MRPL45: variants seen among roughly 807,000 people sequenced by gnomAD.
The protein encoded by MRPL45 is large ribosomal subunit protein mL45.
In MRPL45, 20 loss-of-function variants were observed where a neutral mutation model predicts 38.1. The observed-to-expected ratio is 0.53, with a 90% CI of 0.37 to 0.76. The LOEUF is 0.76. Ranked by LOEUF, MRPL45 falls within the 30% of genes least tolerant of loss-of-function variation. The pLI is 0.00. For missense variants in MRPL45, 337 were observed against 395.6 expected (o/e 0.85, Z 1.26); for synonymous variants, 105 against 128.8 (o/e 0.82, Z 1.25).
intron 3 of MRPL45, among the ~76,000 whole-genome samples, chr17:38,304,758 A>G (rs1156896897): frequency 6.6e-6 from 1 of 151,942 alleles, no homozygotes; most frequent in African/African-American, 2.4e-5. Flanking sequence ...TGGCCAGGCC[A>G]GTCTCGAACT....
chr17:38,322,836 TGAAA>T lies in MRPL45; in HGVS notation c.*244_*247del, dbSNP rs1408489771. ...TTTATGTCTAGCTTCTGAGTCTAGA[TGAAA>T]GACAGTATGTTTCAGAGAACATTGG... On this transcript the variant is annotated 3_prime_UTR_variant, in exon 8 of 8. Transcript: ENST00000613675. 1 of 502,022 alleles carries T rather than the reference TGAAA, an allele frequency of 2.0e-6. No homozygotes were observed. The highest frequency in any genetic ancestry group is 1.9e-5 in the African/African-American group (1 of 52,022). The allele number at this position is 502,022 out of a possible 1,614,324, so 31.1% of individuals were successfully genotyped here. A position where few individuals can be genotyped will look rare whatever the true frequency, so the allele number is the denominator to read the frequency against.
intron 4 of MRPL45, among the ~76,000 whole-genome samples, chr17:38,317,454 G>A (rs2037185323): frequency 6.6e-6 from 1 of 152,164 alleles, no homozygotes; most frequent in Non-Finnish European, 1.5e-5. Flanking sequence ...GAAAAGTCGT[G>A]TGTATCTGAA....
chr17:38,297,566 T>C (rs1042036159), intron 1 of MRPL45, among the ~76,000 whole-genome samples: 2 of 152,090 alleles, frequency 1.3e-5, no homozygotes, highest in African/African-American at 4.8e-5. Context: ...TCGATTCTTA[T>C]AAGTGAACTA....
intron 5 of MRPL45, 120 bp from the exon 6 acceptor site, chr17:38,320,498 G>A: frequency 9.9e-7 from 1 of 1,007,074 alleles, no homozygotes; most frequent in Non-Finnish European, 1.5e-6. Flanking sequence ...AAGAGAGCAT[G>A]TGGTGGGAAA....
chr17:38,302,685 T>C (rs1365134455), intron 3 of MRPL45, among the ~76,000 whole-genome samples: 2 of 151,824 alleles, frequency 1.3e-5, no homozygotes, highest in Admixed American at 6.6e-5. Flanking sequence ...ACTTGTTCTT[T>C]ATTCTGTTGA....
chr17:38,306,370 C>T (rs371262254), intron 3 of MRPL45, among the ~76,000 whole-genome samples, 163 bp from the exon 4 acceptor site: 81 of 149,436 alleles, frequency 5.4e-4, no homozygotes, highest in African/African-American at 1.8e-3. Flanking sequence ...GATCATGCCA[C>T]TGCACTCCAG....
intron 4 of MRPL45, among the ~76,000 whole-genome samples, chr17:38,314,033 A>G (rs1183269005): frequency 6.6e-6 from 1 of 152,066 alleles, no homozygotes; most frequent in East Asian, 1.9e-4. Context: ...TATATTTTGG[A>G]TATTAATCCT....
chr17:38,304,076 A>T (rs887384879), intron 3 of MRPL45, among the ~76,000 whole-genome samples: 16 of 152,176 alleles, frequency 1.1e-4, no homozygotes, highest in African/African-American at 3.6e-4. Context: ...GATAAATAAG[A>T]TCTTGCAAGT....
chr17:38,317,399 T>C (rs76816886), intron 4 of MRPL45, among the ~76,000 whole-genome samples: 2,598 of 152,194 alleles, frequency 0.017, 82 homozygotes, highest in African/African-American at 0.059. Context: ...GAGAGCAAGA[T>C]TTTTCAAAGG....
chr17:38,308,436 T>C (rs529828332), intron 4 of MRPL45, among the ~76,000 whole-genome samples: 1 of 149,478 alleles, frequency 6.7e-6, no homozygotes, highest in Admixed American at 6.7e-5. Context: ...CATTGTTTTT[T>C]TTTTTGTTTG....
intron 4 of MRPL45, among the ~76,000 whole-genome samples, chr17:38,312,489 A>C (rs2144224040): frequency 6.6e-6 from 1 of 152,230 alleles, no homozygotes; most frequent in South Asian, 2.1e-4. Flanking sequence ...GTTGGTGTAC[A>C]AGTATCTGTT....
chr17:38,313,381 T>A (rs1342977872), intron 4 of MRPL45, among the ~76,000 whole-genome samples: 844 of 23,216 alleles, frequency 0.036, 58 homozygotes, highest in Non-Finnish European at 0.053. Flanking sequence ...TATATATATA[T>A]ATACATATAT....
intron 3 of MRPL45, among the ~76,000 whole-genome samples, chr17:38,302,515 T>G (rs1172373529): frequency 2.7e-5 from 4 of 146,492 alleles, no homozygotes; most frequent in African/African-American, 7.5e-5. Context: ...AGTTTGTTTT[T>G]TTTTTTTTTT....
chr17:38,319,692 T>G (rs2037211208), intron 5 of MRPL45, among the ~76,000 whole-genome samples: 1 of 152,178 alleles, frequency 6.6e-6, no homozygotes, highest in Admixed American at 6.5e-5. Flanking sequence ...ACGCCTGCAC[T>G]ATCATGAGGG....
At position 38,317,786 on chromosome 17, in the gene MRPL45, G is replaced by T. The variant is rs142175549; in HGVS notation, c.462-901G>T. On this transcript the variant is annotated intron_variant, in intron 4 of 7. Coordinates refer to ENST00000613675, the MANE Select transcript of MRPL45 (RefSeq NM_032351.6). ...GATGGGGTTTCACCTTGTTAGCCAT[G>T]ACGGTCTCGATCTCCTGACCTCATG... 3.0e-3 allele frequency among the ~76,000 whole-genome samples: 459 copies of T among 151,722 alleles called. 2 individuals are homozygous for T. Among genetic ancestry groups the T allele is most frequent in the African/African-American group, 0.01 (425 of 41,336 alleles).
intron 4 of MRPL45, among the ~76,000 whole-genome samples, chr17:38,312,916 A>G (rs555656875): frequency 6.7e-6 from 1 of 149,254 alleles, no homozygotes; most frequent in South Asian, 2.1e-4. Flanking sequence ...TTACATTCCT[A>G]TGACCAATGC....
chr17:38,320,508 A>G (rs2037218638), intron 5 of MRPL45, 110 bp from the exon 6 acceptor site: 5 of 1,136,248 alleles, frequency 4.4e-6, no homozygotes, highest in South Asian at 4.3e-5. Context: ...GTGGTGGGAA[A>G]CGTGCTGCCT....
intron 4 of MRPL45, among the ~76,000 whole-genome samples, chr17:38,309,051 T>C: frequency 6.6e-6 from 1 of 151,158 alleles, no homozygotes; most frequent in African/African-American, 2.4e-5. Context: ...GAACTACAGG[T>C]GCCTGCCACC....
intron 4 of MRPL45, among the ~76,000 whole-genome samples, chr17:38,312,238 G>T (rs891592409): frequency 4.6e-5 from 7 of 151,826 alleles, no homozygotes; most frequent in African/African-American, 1.5e-4. Flanking sequence ...GTAGAGACGG[G>T]GTTCACCATG....
Sources: gnomAD v4.1 joint callset for allele counts (sites outside exome capture counted in the v4.1 genomes callset) on GRCh38, gnomAD v4.1.1 for gene constraint, MANE v1.5 for transcripts, NCBI Gene and HGNC (gene_info 2026-07-23, HGNC 2026-07-21) for gene names.